Variants in CPNE4 observed in about 807,000 individuals in gnomAD.
CPNE4 encodes the protein copine 4, also known as copine-4.
Under a neutral mutation model 67.9 loss-of-function variants are expected in CPNE4, and 25 were observed. The observed-to-expected ratio is 0.37, with a 90% CI of 0.27 to 0.51. The LOEUF (loss-of-function observed/expected upper bound fraction) is 0.51. Ranked by LOEUF, CPNE4 falls within the 20% of genes least tolerant of loss-of-function variation. The probability of loss-of-function intolerance (pLI) is 0.93; values close to 1 mark genes in which losing one functional copy is unlikely to be tolerated. For missense variants in CPNE4, 464 were observed against 690.8 expected, an observed-to-expected ratio of 0.67 and a Z score of 3.68; for synonymous variants, 242 against 244.9, an observed-to-expected ratio of 0.99 and a Z score of 0.11.
At chr3:132,033,253 A>G (rs190448818) in intron 1 of CPNE4, among the ~76,000 whole-genome samples, 1 of 152,360 alleles carries the variant, frequency 6.6e-6, no homozygotes, top group African/African-American at 2.4e-5. Flanking sequence ...GCCAAGAAAA[A>G]CCAGAACAGT....
At chr3:131,741,483 C>T (rs1380286339) in intron 2 of CPNE4, among the ~76,000 whole-genome samples, 1 of 152,012 alleles carries the variant, frequency 6.6e-6, no homozygotes, top group African/African-American at 2.4e-5. Context: ...TCAGAAAAAC[C>T]TACTGATGGA....
chr3:131,644,568 C>A (rs897738361), intron 7 of CPNE4, among the ~76,000 whole-genome samples: 1 of 152,154 alleles, frequency 6.6e-6, no homozygotes, highest in Non-Finnish European at 1.5e-5. Context: ...GTCCATTTTC[C>A]ATGTCCAGAT....
At chr3:131,950,749 T>G (rs1468592902) in intron 1 of CPNE4, among the ~76,000 whole-genome samples, 2 of 152,218 alleles carry the variant, frequency 1.3e-5, no homozygotes, top group Non-Finnish European at 2.9e-5. Flanking sequence ...GTTAGCAAAT[T>G]GTTATTCAAA....
intron 1 of CPNE4, among the ~76,000 whole-genome samples, chr3:131,934,910 C>T (rs1255301925): frequency 2.6e-5 from 4 of 152,020 alleles, no homozygotes; most frequent in Non-Finnish European, 5.9e-5. Flanking sequence ...CCATATTGTG[C>T]TGGAAAAAGG....
At chr3:132,005,948 AC>A (rs898631349) in intron 1 of CPNE4, among the ~76,000 whole-genome samples, 5 of 152,102 alleles carry the variant, frequency 3.3e-5, no homozygotes, top group Admixed American at 6.6e-5. Context: ...CAGCCGTATG[AC>A]CCTGGGGAGG....
At chr3:131,538,687 G>C (rs191608632) in intron 15 of CPNE4, 1 of 152,320 alleles carries the variant, frequency 6.6e-6, no homozygotes, top group East Asian at 1.9e-4. Context: ...AATGTGCTGG[G>C]AACTTAATGA....
At chr3:131,978,807 T>C (rs1400347967) in intron 1 of CPNE4, among the ~76,000 whole-genome samples, 2 of 151,502 alleles carry the variant, frequency 1.3e-5, no homozygotes, top group Admixed American at 6.6e-5. Flanking sequence ...TGCTCTTTAA[T>C]TCTTTTTGAT....
intron 2 of CPNE4, among the ~76,000 whole-genome samples, chr3:131,774,348 A>G (rs1014867077): frequency 2.0e-5 from 3 of 152,092 alleles, no homozygotes; most frequent in African/African-American, 7.2e-5. Flanking sequence ...AGAAAAAAAA[A>G]AAAGGACCTC....
intron 2 of CPNE4, among the ~76,000 whole-genome samples, chr3:131,825,800 G>T (rs991069885): frequency 6.6e-6 from 1 of 152,162 alleles, no homozygotes; most frequent in Non-Finnish European, 1.5e-5. Flanking sequence ...CCACCTCAGA[G>T]CTTTAATAAG....
intron 1 of CPNE4, among the ~76,000 whole-genome samples, chr3:132,001,836 T>C (rs1317610987): frequency 1.3e-5 from 2 of 152,246 alleles, no homozygotes; most frequent in East Asian, 3.9e-4. Flanking sequence ...CAAATTACAG[T>C]AGCTTTTTAA....
intron 2 of CPNE4, among the ~76,000 whole-genome samples, chr3:131,747,476 T>A (rs966088873): frequency 1.3e-5 from 2 of 152,072 alleles, no homozygotes; most frequent in African/African-American, 4.8e-5. Flanking sequence ...TTTTTGTTTG[T>A]TTTTTGTTTT....
chr3:131,650,625 G>C (rs1055321383), intron 7 of CPNE4, among the ~76,000 whole-genome samples: 6 of 149,384 alleles, frequency 4.0e-5, no homozygotes, highest in African/African-American at 1.5e-4. Flanking sequence ...GGCGCCTGTA[G>C]TCCCGGCTAC....
At chr3:131,630,905 A>G (rs1051303946) in intron 7 of CPNE4, among the ~76,000 whole-genome samples, 16 of 152,190 alleles carry the variant, frequency 1.1e-4, no homozygotes, top group Admixed American at 1.3e-4. Context: ...CAGGCTGCTG[A>G]TTAGGACAAC....
chr3:131,766,561 C>A (rs1263244610), intron 2 of CPNE4, among the ~76,000 whole-genome samples: 1 of 152,102 alleles, frequency 6.6e-6, no homozygotes, highest in Non-Finnish European at 1.5e-5. Flanking sequence ...GAGATGGGCA[C>A]AATTGGCTCC....
chr3:131,714,248 C>T (rs1268355836), intron 3 of CPNE4, among the ~76,000 whole-genome samples: 1 of 152,108 alleles, frequency 6.6e-6, no homozygotes, highest in Non-Finnish European at 1.5e-5. Flanking sequence ...CGACACTAAA[C>T]CTAATACCCA....
chr3:131,669,527 CT>C (rs1242003277), intron 7 of CPNE4, 147 bp downstream of exon 7: 5 of 580,160 alleles, frequency 8.6e-6, no homozygotes, highest in Non-Finnish European at 1.5e-5. Context: ...AGAAATAGCC[CT>C]TGTTTCTTCC....
chr3:131,792,607 G>GTGTGTGTA (rs1489338463), intron 2 of CPNE4, among the ~76,000 whole-genome samples: 1 of 78,004 alleles, frequency 1.3e-5, no homozygotes, highest in African/African-American at 3.9e-5. Flanking sequence ...GTATATGTGT[G>GTGTGTGTA]TGTGTATATA....
At chr3:131,652,757 T>G (rs547874834) in intron 7 of CPNE4, among the ~76,000 whole-genome samples, 1 of 152,366 alleles carries the variant, frequency 6.6e-6, no homozygotes, top group East Asian at 1.9e-4. Flanking sequence ...ATGTCCCTGC[T>G]GAGTTCTCTT....
intron 9 of CPNE4, among the ~76,000 whole-genome samples, chr3:131,575,763 T>A (rs1486973130): frequency 6.6e-6 from 1 of 152,098 alleles, no homozygotes; most frequent in Non-Finnish European, 1.5e-5. Context: ...AAGGTCAAGA[T>A]CACAATGCTA....
Sources: allele counts gnomAD v4.1 joint callset (sites outside exome capture counted in the v4.1 genomes callset), GRCh38; gene constraint gnomAD v4.1.1; transcripts MANE v1.5; gene names NCBI Gene and HGNC (gene_info 2026-07-23, HGNC 2026-07-21).